Variants in ERBB4 observed in about 807,000 individuals in gnomAD.
ERBB4 encodes the protein receptor tyrosine-protein kinase erbB-4.
Under a neutral mutation model 158.0 loss-of-function variants are expected in ERBB4, and 42 were observed. The ratio of observed to expected loss-of-function variants is 0.27; its 90% CI spans 0.21 to 0.34. ERBB4 has a LOEUF of 0.34. Ranked by LOEUF, ERBB4 falls within the 10% of genes least tolerant of loss-of-function variation. The probability of loss-of-function intolerance (pLI) is 1.00; values close to 1 mark genes in which losing one functional copy is unlikely to be tolerated. For missense variants in ERBB4, 1,333 were observed against 1,624.1 expected (o/e 0.82, Z 3.08); for synonymous variants, 583 against 558.7 (o/e 1.04, Z -0.61).
intron 16 of ERBB4, among the ~76,000 whole-genome samples, chr2:211,631,176 A>C (rs2070111629): frequency 6.6e-6 from 1 of 152,102 alleles, no homozygotes; most frequent in Non-Finnish European, 1.5e-5. Flanking sequence ...CAATGTCTCC[A>C]GACATTCCCA....
chr2:211,977,931 C>T (rs1311313670), intron 2 of ERBB4, among the ~76,000 whole-genome samples: 3 of 149,488 alleles, frequency 2.0e-5, no homozygotes, highest in African/African-American at 7.4e-5. Flanking sequence ...AAAATATATT[C>T]ATATTTAAAT....
rs569351977 is a variant in ERBB4, at chr2:212,308,729, G to C, written c.83-183826C>G. On this transcript the variant is annotated intron_variant, in intron 1 of 27. Coordinates refer to ENST00000342788, the MANE Select transcript of ERBB4 (RefSeq NM_005235.3). ...CACGATACTAGGTAATGAAACCCAG[G>C]CATGTATTTCCTTGAGGGTAAAGTG... Among the ~76,000 whole-genome samples, 5 of 151,030 alleles carry C rather than the reference G, an allele frequency of 3.3e-5. No individual in the cohort carries two copies. In the East Asian group the frequency reaches 9.8e-4, roughly 30 times the overall value.
At chr2:212,356,405 A>G (rs575646682) in intron 1 of ERBB4, among the ~76,000 whole-genome samples, 2 of 152,134 alleles carry the variant, frequency 1.3e-5, no homozygotes, top group East Asian at 3.9e-4. Flanking sequence ...TTTAGTTTAT[A>G]GAGAATAAAG....
intron 1 of ERBB4, among the ~76,000 whole-genome samples, chr2:212,226,681 G>A (rs1574473071): frequency 6.6e-6 from 1 of 152,024 alleles, no homozygotes; most frequent in East Asian, 1.9e-4. Context: ...TGTCATATTA[G>A]TCTATGTTAT....
intron 5 of ERBB4, among the ~76,000 whole-genome samples, chr2:211,738,695 T>G (rs952011876): frequency 6.2e-5 from 9 of 145,330 alleles, no homozygotes; most frequent in Non-Finnish European, 1.1e-4. Context: ...TGAGATGGAG[T>G]TTCCTCTGTC....
chr2:211,897,495 T>C (rs1023095148), intron 3 of ERBB4, among the ~76,000 whole-genome samples: 9 of 150,960 alleles, frequency 6.0e-5, no homozygotes, highest in African/African-American at 2.2e-4. Context: ...AAAGTCAAAA[T>C]TGGGAACATG....
At chr2:211,668,781 G>C (rs549660031) in intron 14 of ERBB4, among the ~76,000 whole-genome samples, 22 of 152,166 alleles carry the variant, frequency 1.4e-4, no homozygotes, top group African/African-American at 4.8e-4. Context: ...GAGATAACTA[G>C]TGCTTAAGTC....
At chr2:211,875,025 CAAAAAAAAAAA>C (rs746636278) in intron 3 of ERBB4, among the ~76,000 whole-genome samples, 1 of 27,032 alleles carries the variant, frequency 3.7e-5, no homozygotes, top group Non-Finnish European at 6.5e-5. Flanking sequence ...AATAGAAATG[CAAAAAAAAAAA>C]AAAAAAAAAA....
intron 1 of ERBB4, among the ~76,000 whole-genome samples, chr2:212,533,939 T>C (rs1304231002): frequency 2.0e-5 from 3 of 152,198 alleles, no homozygotes. Context: ...AGTACAAATA[T>C]TAGCATCTCA....
At chr2:212,252,438 T>C (rs1465392980) in intron 1 of ERBB4, among the ~76,000 whole-genome samples, 1 of 151,794 alleles carries the variant, frequency 6.6e-6, no homozygotes, top group Admixed American at 6.6e-5. Flanking sequence ...CAACGAAGAC[T>C]AAAACTAAAA....
Position 211,653,537 on chromosome 2 carries a change from G to C in ERBB4, c.1946+4217C>G, listed in dbSNP as rs2071089746. On this transcript the variant is annotated intron_variant, in intron 16 of 27. Coordinates refer to ENST00000342788, the MANE Select transcript of ERBB4 (RefSeq NM_005235.3). ...CAGAATACAATATAATGGGGTGGAA[G>C]GACTATGAACACTAAATATTTTGAA... Among the ~76,000 whole-genome samples, 2 of 149,564 alleles carry C rather than the reference G, an allele frequency of 1.3e-5. 1 individual carries two copies. The highest frequency in any genetic ancestry group is 1.3e-4 in the Admixed American group (2 of 14,860).
chr2:212,424,398 C>G (rs558481717), intron 1 of ERBB4, among the ~76,000 whole-genome samples: 28 of 152,204 alleles, frequency 1.8e-4, no homozygotes, highest in African/African-American at 6.7e-4. Flanking sequence ...CCCCTTCAAG[C>G]TATTCCCCAT....
intron 20 of ERBB4, among the ~76,000 whole-genome samples, chr2:211,484,209 T>C (rs2065150113): frequency 6.6e-6 from 1 of 151,434 alleles, no homozygotes; most frequent in Non-Finnish European, 1.5e-5. Flanking sequence ...TAATAATTAA[T>C]GAAAAACGGG....
intron 25 of ERBB4, among the ~76,000 whole-genome samples, chr2:211,408,727 G>C (rs536756521): frequency 6.6e-6 from 1 of 152,234 alleles, no homozygotes; most frequent in African/African-American, 2.4e-5. Context: ...CCTGACACTC[G>C]TCTGGTATTT....
At chr2:212,018,246 T>C (rs2076571313) in intron 2 of ERBB4, among the ~76,000 whole-genome samples, 1 of 152,184 alleles carries the variant, frequency 6.6e-6, no homozygotes, top group African/African-American at 2.4e-5. Context: ...AGGACTAGGA[T>C]ATCACATCTT....
At chr2:211,706,741 G>T (rs2073459101) in intron 9 of ERBB4, among the ~76,000 whole-genome samples, 1 of 152,082 alleles carries the variant, frequency 6.6e-6, no homozygotes, top group South Asian at 2.1e-4. Context: ...TGAGGTTGGA[G>T]AAACACTATA....
At chr2:211,650,272 G>A (rs1213513860) in intron 16 of ERBB4, among the ~76,000 whole-genome samples, 2 of 151,916 alleles carry the variant, frequency 1.3e-5, no homozygotes, top group African/African-American at 4.8e-5. Context: ...GTTAAGTATT[G>A]TTCATTTATA....
In ERBB4 at chr2:211,393,740, C is replaced by CGTGT. The variant is rs58472959; in HGVS notation, c.3136-5752_3136-5749dup. Among the ~76,000 whole-genome samples, 868 of 146,312 alleles carry CGTGT rather than the reference C, an allele frequency of 5.9e-3. 4 individuals carry two copies. The highest frequency in any genetic ancestry group is 0.038 in the Middle Eastern group (11 of 288). ...AACTTTGAGTATTAAGAGTTAATAG[C>CGTGT]GTGTGTGTGTGTGTGTGTGTGTGTG... On this transcript the variant is annotated intron_variant, in intron 25 of 27. Transcript: ENST00000342788.
At chr2:212,504,747 TTTGA>T (rs1420411821) in intron 1 of ERBB4, among the ~76,000 whole-genome samples, 3 of 152,254 alleles carry the variant, frequency 2.0e-5, no homozygotes, top group Non-Finnish European at 2.9e-5. Context: ...TACAATAAAG[TTTGA>T]TTATGATTTG....
Sources: gnomAD v4.1 joint callset for allele counts (sites outside exome capture counted in the v4.1 genomes callset) on GRCh38, gnomAD v4.1.1 for gene constraint, MANE v1.5 for transcripts, NCBI Gene and HGNC (gene_info 2026-07-23, HGNC 2026-07-21) for gene names.